UGGT2: variants seen among roughly 807,000 people sequenced by gnomAD.
UGGT2 encodes UDP-glucose glycoprotein glucosyltransferase 2, also known as UDP-glucose:glycoprotein glucosyltransferase 2.
UGGT2 carries 180 observed loss-of-function variants against 192.1 expected under a neutral mutation model. The ratio of observed to expected loss-of-function variants is 0.94; its 90% CI spans 0.83 to 1.06. The LOEUF (loss-of-function observed/expected upper bound fraction) is 1.06. Ranked by LOEUF, UGGT2 falls within the 50% of genes least tolerant of loss-of-function variation. The pLI is 0.00. For synonymous variants in UGGT2, 580 were observed against 591.0 expected (o/e 0.98, Z 0.27); for missense variants, 1,849 against 1,795.7 (o/e 1.03, Z -0.54).
At chr13:95,859,511 A>C in intron 33 of UGGT2, 80 bp downstream of exon 33, 1 of 1,134,786 alleles carries the variant, frequency 8.8e-7, no homozygotes, top group East Asian at 2.6e-5. Context: ...TGAAAAGAGA[A>C]ATATCATATA....
intron 20 of UGGT2, among the ~76,000 whole-genome samples, chr13:95,922,149 C>T (rs1306276795): frequency 6.6e-6 from 1 of 152,188 alleles, no homozygotes; most frequent in Non-Finnish European, 1.5e-5. Context: ...TCATGTCCTT[C>T]GCAGCAACAT....
intron 30 of UGGT2, among the ~76,000 whole-genome samples, chr13:95,864,369 A>T (rs1466220701): frequency 6.6e-6 from 1 of 152,174 alleles, no homozygotes; most frequent in Non-Finnish European, 1.5e-5. Flanking sequence ...AAACTTGAAA[A>T]TCAGTAAAAA....
chr13:96,049,898 T>C (rs1361007518), intron 1 of UGGT2, among the ~76,000 whole-genome samples: 2 of 152,168 alleles, frequency 1.3e-5, no homozygotes, highest in Non-Finnish European at 2.9e-5. Flanking sequence ...AAAACGGCCA[T>C]ACTGCCCAAG....
chr13:96,005,391 C>T (rs900282097), intron 5 of UGGT2, among the ~76,000 whole-genome samples: 2 of 152,114 alleles, frequency 1.3e-5, no homozygotes, highest in African/African-American at 4.8e-5. Flanking sequence ...AGGCTGAAAC[C>T]CTCTTGCACA....
intron 26 of UGGT2, among the ~76,000 whole-genome samples, chr13:95,885,514 A>G (rs938568373): frequency 3.3e-5 from 5 of 152,206 alleles, no homozygotes; most frequent in Non-Finnish European, 7.4e-5. Flanking sequence ...CAGCAAGACA[A>G]AAGTCACAGT....
chr13:95,955,479 T>C (rs773755032), intron 12 of UGGT2, among the ~76,000 whole-genome samples: 2 of 152,212 alleles, frequency 1.3e-5, no homozygotes, highest in African/African-American at 2.4e-5. Context: ...TTGCTACTCA[T>C]AAGGTTCTTT....
In UGGT2 at chr13:95,908,093, G is replaced by A. The variant is rs1340929968; in HGVS notation, c.2296-5033C>T. 2.6e-5 allele frequency among the ~76,000 whole-genome samples: 4 copies of A among 152,148 alleles called. No homozygotes were observed. The East Asian group carries it at 5.8e-4, about 22-fold the overall frequency. On this transcript the variant is annotated intron_variant, in intron 20 of 38. Coordinates refer to ENST00000376747, the MANE Select transcript of UGGT2 (RefSeq NM_020121.4). The stretch of plus-strand genomic sequence containing the variant: ...CTGAAAACCATGGCATGAGAACTTC[G>A]TGACACATGCACAAGCTTCAATAGC...
At chr13:96,026,742 G>A (rs892739785) in intron 2 of UGGT2, among the ~76,000 whole-genome samples, 1 of 149,226 alleles carries the variant, frequency 6.7e-6, no homozygotes, top group Non-Finnish European at 1.5e-5. Flanking sequence ...CGCAATCTCG[G>A]CTCACTGCAA....
chr13:95,988,722 G>A lies in UGGT2; in HGVS notation c.931+1251C>T, dbSNP rs144693409. Among the ~76,000 whole-genome samples the A allele has an allele frequency of 4.1e-4, 62 of 152,172 alleles. 1 individual carries two copies. The highest frequency in any genetic ancestry group is 1.4e-3 in the African/African-American group (60 of 41,532). ...ATAGCAGAAGTTATAAAACTTAATA[G>A]ATTGTGTCTTGCACATTCTGCTATA... On this transcript the variant is annotated intron_variant, in intron 8 of 38. Transcript: ENST00000376747.
At chr13:96,007,204 A>C (rs1489251850) in intron 5 of UGGT2, among the ~76,000 whole-genome samples, 1 of 152,190 alleles carries the variant, frequency 6.6e-6, no homozygotes, top group Non-Finnish European at 1.5e-5. Context: ...CCATATGATA[A>C]TTTAAATATG....
intron 12 of UGGT2, among the ~76,000 whole-genome samples, chr13:95,954,688 C>CA (rs1292587106): frequency 6.6e-6 from 1 of 152,138 alleles, no homozygotes; most frequent in Non-Finnish European, 1.5e-5. Flanking sequence ...CCTGCCTTTC[C>CA]AGATGTACCA....
chr13:95,953,706 T>C (rs943574298), intron 12 of UGGT2, among the ~76,000 whole-genome samples: 3 of 151,842 alleles, frequency 2.0e-5, no homozygotes, highest in Non-Finnish European at 2.9e-5. Context: ...TGCCCAGATT[T>C]TGGTCATTAG....
At chr13:95,910,556 G>A (rs80241521) in intron 20 of UGGT2, among the ~76,000 whole-genome samples, 1 of 152,154 alleles carries the variant, frequency 6.6e-6, no homozygotes, top group Non-Finnish European at 1.5e-5. Flanking sequence ...AAATATATAT[G>A]CACCCAATAC....
intron 17 of UGGT2, among the ~76,000 whole-genome samples, chr13:95,928,290 G>T (rs1260785037): frequency 2.0e-5 from 3 of 151,274 alleles, no homozygotes; most frequent in Non-Finnish European, 3.0e-5. Flanking sequence ...GGCTGGCCGG[G>T]CAGGGGCTGC....
At position 95,837,163 on chromosome 13, in the gene UGGT2, A is replaced by C; in HGVS notation, c.4324T>G (p.Ser1442Ala). 1 of 1,614,044 alleles carries C rather than the reference A, an allele frequency of 6.2e-7. No individual in the cohort carries two copies. Among genetic ancestry groups the C allele is most frequent in the Non-Finnish European group, 8.5e-7 (1 of 1,179,964 alleles). Residue 1442 changes from serine (S) to alanine (A), a missense_variant, in exon 37 of 39, where the codon TCT becomes GCT. By Grantham distance (99) the Ser-to-Ala change is moderately conservative (BLOSUM62 1). Transcript: ENST00000376747. ...NNMIYQVAIK[S>A]LPQDWLWCET... ...CACCACAGCCAGTCTTGAGGAAGAG[A>C]CTTAATGGCGACTTGGTAAATCATA... is the stretch of plus-strand genomic sequence containing the variant.
chr13:95,832,902 A>T (rs749462731), intron 38 of UGGT2, 25 bp downstream of exon 38: 2 of 1,609,576 alleles, frequency 1.2e-6, no homozygotes, highest in Admixed American at 3.4e-5. Flanking sequence ...CATGTTTCAG[A>T]CATCACAACA....
intron 34 of UGGT2, among the ~76,000 whole-genome samples, chr13:95,854,706 T>C (rs1729319060): frequency 6.6e-6 from 1 of 152,194 alleles, no homozygotes; most frequent in African/African-American, 2.4e-5. Context: ...GTGGTCTTAC[T>C]CACCAACAAG....
chr13:95,998,458 G>A (rs1198962725), intron 6 of UGGT2, among the ~76,000 whole-genome samples: 1 of 152,150 alleles, frequency 6.6e-6, no homozygotes, highest in Non-Finnish European at 1.5e-5. Context: ...AGTAGGAGGA[G>A]CCAGAGAGAA....
At chr13:95,945,988 T>C (rs956952951) in intron 15 of UGGT2, among the ~76,000 whole-genome samples, 1 of 152,122 alleles carries the variant, frequency 6.6e-6, no homozygotes, top group Admixed American at 6.5e-5. Context: ...ATAATATTGA[T>C]TGACAAGCTA....
Sources: allele counts gnomAD v4.1 joint callset (sites outside exome capture counted in the v4.1 genomes callset), GRCh38; gene constraint gnomAD v4.1.1; transcripts MANE v1.5; gene names NCBI Gene and HGNC (gene_info 2026-07-23, HGNC 2026-07-21).